The following EPHA4 variants were observed in gnomAD, a reference collection of about 807,000 sequenced individuals.
EPHA4 encodes the protein EPH receptor A4, also known as ephrin type-A receptor 4.
A neutral mutation model predicts 108.3 loss-of-function variants in EPHA4; 19 were observed. That is an observed-to-expected ratio of 0.18 (90% confidence interval 0.12 to 0.26). The LOEUF is 0.26. Among genes scored for constraint, EPHA4 ranks in the 10% least tolerant of loss-of-function variants. The pLI is 1.00. For synonymous variants in EPHA4, 449 were observed against 455.5 expected, an observed-to-expected ratio of 0.99 and a Z score of 0.18; for missense variants, 917 against 1,254.0, an observed-to-expected ratio of 0.73 and a Z score of 4.06.
intron 3 of EPHA4, among the ~76,000 whole-genome samples, chr2:221,562,488 G>T (rs1360248201): frequency 6.6e-6 from 1 of 152,182 alleles, no homozygotes; most frequent in Non-Finnish European, 1.5e-5. Context: ...CATTAGAATG[G>T]TTGAAATGCC....
chr2:221,517,845 C>A (rs919613939), intron 3 of EPHA4, among the ~76,000 whole-genome samples: 3 of 152,170 alleles, frequency 2.0e-5, no homozygotes, highest in African/African-American at 7.2e-5. Context: ...GGGTCCTGAC[C>A]ACTTGCAAGT....
Position 221,468,844 on chromosome 2 carries a change from G to A in EPHA4, c.1319-10854C>T, listed in dbSNP as rs183723544. On this transcript the variant is annotated intron_variant, in intron 5 of 17. Coordinates refer to ENST00000281821, the MANE Select transcript of EPHA4 (RefSeq NM_004438.5). ...AGACATTGATCATTCCGCTAAAAGAGCCTGTCTGCTTCAATAAATAGATCC... is the reference window on the plus strand; with the variant it reads ...AGACATTGATCATTCCGCTAAAAGAACCTGTCTGCTTCAATAAATAGATCC... 3.3e-5 allele frequency among the ~76,000 whole-genome samples: 5 copies of A among 152,338 alleles called. No homozygotes were observed. The East Asian group carries it at 9.7e-4, about 29-fold the overall frequency.
intron 9 of EPHA4, among the ~76,000 whole-genome samples, chr2:221,444,709 G>C (rs373025675): frequency 7.0e-6 from 1 of 142,234 alleles, no homozygotes; most frequent in Non-Finnish European, 1.5e-5. Flanking sequence ...TTCAAGATGA[G>C]TCTTGTTATT....
intron 4 of EPHA4, among the ~76,000 whole-genome samples, chr2:221,495,359 G>T (rs939934989): frequency 2.0e-5 from 3 of 152,190 alleles, no homozygotes; most frequent in South Asian, 2.1e-4. Flanking sequence ...GTGGGGCTGG[G>T]AATCTAAATC....
chr2:221,478,828 G>T (rs1691736076), intron 5 of EPHA4, among the ~76,000 whole-genome samples: 1 of 152,112 alleles, frequency 6.6e-6, no homozygotes, highest in African/African-American at 2.4e-5. Flanking sequence ...CAGCTGGGCT[G>T]CAAGTGTCAC....
intron 8 of EPHA4, among the ~76,000 whole-genome samples, chr2:221,449,752 C>T (rs905530233): frequency 1.2e-4 from 19 of 152,214 alleles, no homozygotes; most frequent in African/African-American, 4.6e-4. Context: ...CATGCTTTTA[C>T]TAAATTACTA....
At chr2:221,543,926 C>T (rs757665072) in intron 3 of EPHA4, among the ~76,000 whole-genome samples, 5 of 152,038 alleles carry the variant, frequency 3.3e-5, no homozygotes, top group Admixed American at 6.6e-5. Flanking sequence ...TTATTTTTCA[C>T]GGTTCTGGAG....
intron 15 of EPHA4, among the ~76,000 whole-genome samples, chr2:221,429,068 C>T (rs1476435819): frequency 6.6e-6 from 1 of 152,132 alleles, no homozygotes; most frequent in African/African-American, 2.4e-5. Context: ...GAAACAGAAG[C>T]CTGTGAGAAG....
chr2:221,554,346 C>T (rs551724869), intron 3 of EPHA4, among the ~76,000 whole-genome samples: 3 of 152,196 alleles, frequency 2.0e-5, no homozygotes, highest in Non-Finnish European at 4.4e-5. Flanking sequence ...CCATTTTCTG[C>T]TCTGTGAAAT....
At chr2:221,431,799 G>A (rs1690084993) in intron 14 of EPHA4, among the ~76,000 whole-genome samples, 1 of 152,144 alleles carries the variant, frequency 6.6e-6, no homozygotes, top group African/African-American at 2.4e-5. Context: ...CTTGGAAGAT[G>A]GCTCATAGGT....
At chr2:221,557,050 C>T (rs1169980797) in intron 3 of EPHA4, among the ~76,000 whole-genome samples, 1 of 152,116 alleles carries the variant, frequency 6.6e-6, no homozygotes. Context: ...TGGAAAACTC[C>T]ACTGTTCACT....
Position 221,571,985 on chromosome 2 carries a change from G to C in EPHA4, c.91+173C>G, listed in dbSNP as rs573377569. Among the ~76,000 whole-genome samples, 1 of 152,250 alleles carries C rather than the reference G, an allele frequency of 6.6e-6. No homozygotes were observed. Among genetic ancestry groups the C allele is most frequent in the East Asian group, 1.9e-4 (1 of 5,136 alleles). ...ACCGCCTCGGGGCAGGCTGTCCGGC[G>C]GTTCCCCGCTGCCCCTTCGCCGATC... On this transcript the variant is annotated intron_variant, in intron 1 of 17. Coordinates refer to ENST00000281821, the MANE Select transcript of EPHA4 (RefSeq NM_004438.5). This position sits in a 1 kb window ranked among gnomAD's most constrained non-coding sequence, Gnocchi z 6.3.
chr2:221,489,668 C>T (rs1692082696), intron 4 of EPHA4, among the ~76,000 whole-genome samples: 1 of 152,106 alleles, frequency 6.6e-6, no homozygotes, highest in Non-Finnish European at 1.5e-5. Context: ...TTTATATTCC[C>T]ATTAGAACAT....
intron 3 of EPHA4, among the ~76,000 whole-genome samples, chr2:221,541,004 T>C (rs1444862737): frequency 1.4e-5 from 2 of 145,378 alleles, no homozygotes; most frequent in African/African-American, 5.2e-5. Context: ...TGGAGTGCAG[T>C]GACACAATCA....
chr2:221,559,104 G>A (rs1694382599), intron 3 of EPHA4, among the ~76,000 whole-genome samples: 2 of 152,162 alleles, frequency 1.3e-5, no homozygotes, highest in South Asian at 4.2e-4. Context: ...AAAACCATTG[G>A]AACATTTCTA....
At chr2:221,522,659 T>G (rs1693197415) in intron 3 of EPHA4, among the ~76,000 whole-genome samples, 1 of 152,132 alleles carries the variant, frequency 6.6e-6, no homozygotes, top group African/African-American at 2.4e-5. Context: ...AGTTTTACCT[T>G]CTGAGAGTTC....
intron 3 of EPHA4, among the ~76,000 whole-genome samples, chr2:221,538,563 G>T (rs2106188880): frequency 6.6e-6 from 1 of 152,256 alleles, no homozygotes; most frequent in African/African-American, 2.4e-5. Context: ...GCCAGAATCT[G>T]CATAATTTAG....
intron 5 of EPHA4, among the ~76,000 whole-genome samples, chr2:221,473,856 G>A (rs941408994): frequency 6.6e-6 from 1 of 152,232 alleles, no homozygotes; most frequent in East Asian, 1.9e-4. Context: ...GTTAGTGTTC[G>A]ATGGAACAAG....
chr2:221,466,425 C>T (rs1691315826), intron 5 of EPHA4, among the ~76,000 whole-genome samples: 1 of 152,178 alleles, frequency 6.6e-6, no homozygotes, highest in Admixed American at 6.5e-5. Flanking sequence ...TACACGCACA[C>T]CTGACATCAT....
Sources: allele counts gnomAD v4.1 joint callset (sites outside exome capture counted in the v4.1 genomes callset), GRCh38; gene constraint gnomAD v4.1.1; non-coding constraint Gnocchi (gnomAD v3.1); transcripts MANE v1.5; gene names NCBI Gene and HGNC (gene_info 2026-07-23, HGNC 2026-07-21).